PAX6: variants seen among roughly 807,000 people sequenced by gnomAD.
PAX6 encodes paired box 6.
In PAX6, 7 loss-of-function variants were observed where a neutral mutation model predicts 60.7. The observed-to-expected ratio is 0.12, with a 90% confidence interval of 0.07 to 0.22. PAX6 has a LOEUF of 0.22. Among genes scored for constraint, PAX6 ranks in the 10% least tolerant of loss-of-function variants. The pLI is 1.00. For missense variants in PAX6, 355 were observed against 555.2 expected, an observed-to-expected ratio of 0.64 and a Z score of 3.62; for synonymous variants, 208 against 201.2, an observed-to-expected ratio of 1.03 and a Z score of -0.29.
chr11:31,801,693 T>C lies in PAX6; in HGVS notation c.267A>G (p.Lys89=), dbSNP rs1296459827. The C allele has an allele frequency of 6.2e-7, 1 of 1,614,164 alleles. No individual in the cohort carries two copies. Among genetic ancestry groups the C allele is most frequent in the South Asian group, 1.1e-5 (1 of 91,072 alleles). The part of the protein sequence containing the change: ...SIRPRAIGGS[K]PRVATPEVVS... ...CAACTTCTGGAGTCGCTACTCTCGG[T>C]TTACTACCACCGATTGCCCTGGGTC... Residue 89 remains lysine, a synonymous_variant, in exon 7 of 14, where the codon AAA becomes AAG. Transcript: ENST00000640368.
chr11:31,802,758 A>G lies in PAX6; in HGVS notation c.87T>C (p.Ile29=). Residue 29 remains isoleucine (I), a synonymous_variant, in exon 5 of 14, where the codon ATT becomes ATC. Coordinates refer to ENST00000640368, the MANE Select transcript of PAX6 (RefSeq NM_001368894.2). ...GGGCCCCGCTGTGAGCTAGCTCTACAATCTTCTGCCGGGTGGAGTCCGGCA... is the reference window on the plus strand; with the variant it reads ...GGGCCCCGCTGTGAGCTAGCTCTACGATCTTCTGCCGGGTGGAGTCCGGCA... ...RPLPDSTRQK[I]VELAHSGARP... 4 of 1,614,132 alleles carry G rather than the reference A, an allele frequency of 2.5e-6. No individual in the cohort carries two copies. The highest frequency in any genetic ancestry group is 3.4e-6 in the Non-Finnish European group (4 of 1,180,020).
intron 2 of PAX6, 70 bp downstream of exon 2, chr11:31,810,758 G>A (rs765566578): frequency 1.0e-5 from 4 of 398,334 alleles, no homozygotes; most frequent in African/African-American, 4.1e-5. Flanking sequence ...AGGAAGGAAG[G>A]GGGGAGGAAG....
chr11:31,809,863 C>T (rs1377504466), intron 2 of PAX6: 1 of 152,342 alleles, frequency 6.6e-6, no homozygotes, highest in African/African-American at 2.4e-5. Context: ...AATCCCAACA[C>T]CTGGTGAGAC....
Position 31,794,736 on chromosome 11 carries a change from G to T in PAX6, c.618C>A (p.Ser206=). 2 of 1,614,084 alleles carry T rather than the reference G, an allele frequency of 1.2e-6. No individual in the cohort carries two copies. Among genetic ancestry groups the T allele is most frequent in the Non-Finnish European group, 1.7e-6 (2 of 1,179,976 alleles). Residue 206 remains serine (S), a synonymous_variant, in exon 9 of 14, where the codon TCC becomes TCA. Transcript: ENST00000640368. ...GAGCCTCATCTGAATCTTCTCCGTT[G>T]GAACTGATGGAGTTGGTATTCTCTC... ...GGGENTNSIS[S]NGEDSDEAQM...
chr11:31,790,969 T>A (rs1460649146), intron 12 of PAX6, 109 bp from the exon 13 acceptor site: 1 of 1,138,668 alleles, frequency 8.8e-7, no homozygotes, highest in African/African-American at 1.5e-5. Context: ...TCATTAAAGA[T>A]GCCTTCACGT....
In PAX6 at chr11:31,800,927, C is replaced by T. The variant is rs1953612861; in HGVS notation, c.400-71G>A. ...GACACAGTCACCCATCTCAGCTCAC[C>T]CACAACCTTAAAAAGCAACTCTCAA... is the stretch of plus-strand genomic sequence containing the variant. On this transcript the variant is annotated intron_variant, in intron 7 of 13. Transcript: ENST00000640368. The T allele has an allele frequency of 2.0e-6, 3 of 1,517,534 alleles. No homozygotes were observed. The Admixed American group carries it at 5.0e-5, about 26-fold the overall frequency. 94.0% of individuals were successfully genotyped at this position (1,517,534 alleles called of 1,614,324 possible).
rs367589686 is a variant in PAX6 at position 31,794,733 on chromosome 11, G to A, written c.621C>T (p.Asn207=). 10 of 1,613,876 alleles carry A rather than the reference G, an allele frequency of 6.2e-6. No individual in the cohort carries two copies. The East Asian group carries it at 8.9e-5, about 14-fold the overall frequency. Residue 207 remains asparagine (N), a synonymous_variant, in exon 9 of 14, where the codon AAC becomes AAT. Coordinates refer to ENST00000640368, the MANE Select transcript of PAX6 (RefSeq NM_001368894.2). ...TTTGAGCCTCATCTGAATCTTCTCCGTTGGAACTGATGGAGTTGGTATTCT... is the reference window on the plus strand; with the variant it reads ...TTTGAGCCTCATCTGAATCTTCTCCATTGGAACTGATGGAGTTGGTATTCT... ...GGENTNSISS[N]GEDSDEAQMR...
chr11:31,814,335 C>G (rs1439731951), upstream of PAX6: 1 of 152,344 alleles, frequency 6.6e-6, no homozygotes, highest in African/African-American at 2.4e-5. Flanking sequence ...AGCATCTCAC[C>G]CGCACCGATC....
At position 31,798,180 on chromosome 11, in the gene PAX6, T is replaced by C. The variant is rs974164324; in HGVS notation, c.565+2511A>G. Among the ~76,000 whole-genome samples the C allele has an allele frequency of 3.1e-5, 4 of 127,894 alleles. No homozygotes were observed. In the East Asian group the frequency reaches 6.5e-4, roughly 21 times the overall value. 83.9% of individuals were successfully genotyped at this position (127,894 alleles called of 152,430 possible). A position where few individuals can be genotyped will look rare whatever the true frequency, so the allele number is the denominator to read the frequency against. ...TGAAAGAGAGGCTGACTAAATCCTATAGAGGGCTTGGGTATTATGGGGGGT... is the reference window on the plus strand; with the variant it reads ...TGAAAGAGAGGCTGACTAAATCCTACAGAGGGCTTGGGTATTATGGGGGGT... On this transcript the variant is annotated intron_variant, in intron 8 of 13. Transcript: ENST00000640368.
At position 31,791,135 on chromosome 11, in the gene PAX6, T is replaced by G. The variant is rs3026392; in HGVS notation, c.1075-275A>C. The G allele has an allele frequency of 1.9e-3, 976 of 512,694 alleles. 2 individuals are homozygous for G. The highest frequency in any genetic ancestry group is 2.7e-3 in the Non-Finnish European group (752 of 279,756). 31.8% of individuals were successfully genotyped at this position (512,694 alleles called of 1,614,324 possible). A position where few individuals can be genotyped will look rare whatever the true frequency, so the allele number is the denominator to read the frequency against. ...TAGATGGTTGCCACTATCCATAAAT[T>G]AATAGGATTTTTGTCTCTAACCTCT... On this transcript the variant is annotated intron_variant, in intron 12 of 13. Transcript: ENST00000640368.
At chr11:31,792,522 A>T (rs116857656) in intron 12 of PAX6, 1 of 152,328 alleles carries the variant, frequency 6.6e-6, no homozygotes, top group Non-Finnish European at 1.5e-5. Flanking sequence ...GCAGAGGCTC[A>T]TGCTGGCCAA....
At chr11:31,796,446 C>A (rs986485617) in intron 8 of PAX6, among the ~76,000 whole-genome samples, 1 of 138,792 alleles carries the variant, frequency 7.2e-6, no homozygotes, top group African/African-American at 2.8e-5. Context: ...CGGGCGCCTC[C>A]GTGCTATTTA....
At chr11:31,817,311 C>T (rs1336586843) in intron 1 of PAX6, among the ~76,000 whole-genome samples, 3 of 152,266 alleles carry the variant, frequency 2.0e-5, no homozygotes, top group Non-Finnish European at 4.4e-5. Flanking sequence ...TGCGGTCCAG[C>T]CATCTGCACT....
chr11:31,803,098 G>A, intron 4 of PAX6: 1 of 423,026 alleles, frequency 2.4e-6, no homozygotes, highest in Non-Finnish European at 4.1e-6. Context: ...CCAGACATCG[G>A]GCAGCCCAGT....
chr11:31,812,296 C>CTGTGTG (rs1347167499), upstream of PAX6: 11 of 109,994 alleles, frequency 1.0e-4, no homozygotes, highest in African/African-American at 4.4e-4. Flanking sequence ...GATTCTCTCT[C>CTGTGTG]TCTCTCTGTG....
chr11:31,803,009 C>T (rs1009481425), intron 4 of PAX6, 175 bp from the exon 5 acceptor site: 1 of 708,910 alleles, frequency 1.4e-6, no homozygotes, highest in East Asian at 2.7e-5. Flanking sequence ...CATCCTCATC[C>T]CCCTGCCAAC....
At chr11:31,817,600 G>C (rs1957439122) in intron 1 of PAX6, among the ~76,000 whole-genome samples, 1 of 152,260 alleles carries the variant, frequency 6.6e-6, no homozygotes, top group Admixed American at 6.5e-5. Flanking sequence ...TTGCAGAAGA[G>C]CACACTCGGC....
chr11:31,794,914 G>T, intron 8 of PAX6, 126 bp from the exon 9 acceptor site: 1 of 834,268 alleles, frequency 1.2e-6, no homozygotes, highest in Admixed American at 2.1e-5. Flanking sequence ...CATTCCCAAG[G>T]TAACTGTCAG....
chr11:31,806,355 T>C, intron 4 of PAX6, 47 bp downstream of exon 4: 2 of 1,591,948 alleles, frequency 1.3e-6, no homozygotes, highest in Non-Finnish European at 1.7e-6. Context: ...GACCCTCGGG[T>C]CCGCGCACCC....
Sources: allele counts gnomAD v4.1 joint callset (sites outside exome capture counted in the v4.1 genomes callset), GRCh38; gene constraint gnomAD v4.1.1; transcripts MANE v1.5; gene names NCBI Gene and HGNC (gene_info 2026-07-23, HGNC 2026-07-21).